EVC2: variants seen among roughly 807,000 people sequenced by gnomAD.
EVC2 encodes EvC ciliary complex subunit 2.
A neutral mutation model predicts 149.3 loss-of-function variants in EVC2; 148 were observed. The ratio of observed to expected loss-of-function variants is 0.99; its 90% CI spans 0.87 to 1.14. EVC2 has a LOEUF of 1.14. Ranked by LOEUF, EVC2 falls within the 50% of genes most tolerant of loss-of-function variation. The probability of loss-of-function intolerance (pLI) is 0.00; values close to 1 mark genes in which losing one functional copy is unlikely to be tolerated. For synonymous variants in EVC2, 776 were observed against 649.9 expected (o/e 1.19, Z -2.95); for missense variants, 1,854 against 1,627.3 (o/e 1.14, Z -2.40).
At chr4:5,617,942 G>A (rs142509626) in intron 15 of EVC2, among the ~76,000 whole-genome samples, 3 of 152,232 alleles carry the variant, frequency 2.0e-5, no homozygotes, top group African/African-American at 7.2e-5. Flanking sequence ...TGGGGGCTTT[G>A]GAGCAAAAAC....
At chr4:5,699,776 T>C (rs1191201047) in intron 1 of EVC2, among the ~76,000 whole-genome samples, 2 of 151,534 alleles carry the variant, frequency 1.3e-5, no homozygotes, top group Non-Finnish European at 2.9e-5. Flanking sequence ...TGAGCTATGA[T>C]CATGCCACTG....
chr4:5,704,453 G>C (rs1275777123), intron 1 of EVC2, among the ~76,000 whole-genome samples: 4 of 152,130 alleles, frequency 2.6e-5, no homozygotes, highest in African/African-American at 4.8e-5. Flanking sequence ...ATGAGTTGTG[G>C]AGTGCCTGTG....
chr4:5,662,398 AAAAAT>A (rs1404907583), intron 9 of EVC2, among the ~76,000 whole-genome samples: 7 of 144,292 alleles, frequency 4.9e-5, no homozygotes, highest in African/African-American at 1.5e-4. Context: ...CTTAAAAGTT[AAAAAT>A]AAATAAAAAA....
intron 16 of EVC2, among the ~76,000 whole-genome samples, chr4:5,604,735 A>T (rs1487084269): frequency 2.6e-5 from 4 of 152,156 alleles, no homozygotes; most frequent in Non-Finnish European, 5.9e-5. Flanking sequence ...AAATACATGG[A>T]GTGATAGATA....
At position 5,694,368 on chromosome 4, in the gene EVC2, T is replaced by C. The variant is rs2151736587; in HGVS notation, c.417A>G (p.Leu139=). The change falls in exon 3 of 22, where the codon TTA becomes TTG. Residue 139 remains leucine (L), a synonymous_variant. Coordinates refer to ENST00000344408, the MANE Select transcript of EVC2 (RefSeq NM_147127.5). The stretch of plus-strand genomic sequence containing the variant: ...GTGTTATAGGAGACTCTCTTTTAAA[T>C]AAGTTCTTCTTAGGCCAGGAGGGTA... ...AFIPSWPKKN[L]FKRESPITHR... 2 of 1,614,174 alleles carry C rather than the reference T, an allele frequency of 1.2e-6. No individual in the cohort carries two copies. Among genetic ancestry groups the C allele is most frequent in the East Asian group, 4.5e-5 (2 of 44,884 alleles).
chr4:5,591,506 C>G (rs552109627), intron 16 of EVC2, among the ~76,000 whole-genome samples: 43 of 152,306 alleles, frequency 2.8e-4, no homozygotes, highest in Non-Finnish European at 4.7e-4. Context: ...AAGACCCAGA[C>G]CCCTGCAGAG....
chr4:5,581,602 C>T (rs1577114410), intron 17 of EVC2, among the ~76,000 whole-genome samples: 1 of 151,724 alleles, frequency 6.6e-6, no homozygotes, highest in African/African-American at 2.4e-5. Context: ...CTGGCTGCTT[C>T]TAACAACCTA....
chr4:5,663,379 AC>A, intron 8 of EVC2, 133 bp from the exon 9 acceptor site: 1 of 1,228,916 alleles, frequency 8.1e-7, no homozygotes, highest in Non-Finnish European at 1.2e-6. Context: ...ACCACAGTAA[AC>A]CCAGACAAGC....
chr4:5,695,346 T>A (rs1006000827), intron 2 of EVC2, among the ~76,000 whole-genome samples: 1 of 139,374 alleles, frequency 7.2e-6, no homozygotes, highest in African/African-American at 2.7e-5. Context: ...AGACTCCATC[T>A]CAAAAAAAAA....
In EVC2 at chr4:5,618,439, C is replaced by A; in HGVS notation, c.2706+39G>T. 6.2e-7 allele frequency: 1 copy of A among 1,611,046 alleles called. No homozygotes were observed. The highest frequency in any genetic ancestry group is 8.5e-7 in the Non-Finnish European group (1 of 1,179,118). ...TGTAGGGCCAGCAGCTGGGAGACGGCCCTGCTTCTGTAATCGGCCACTGAC... is the reference window on the plus strand; with the variant it reads ...TGTAGGGCCAGCAGCTGGGAGACGGACCTGCTTCTGTAATCGGCCACTGAC... On this transcript the variant is annotated intron_variant, in intron 15 of 21. Coordinates refer to ENST00000344408, the MANE Select transcript of EVC2 (RefSeq NM_147127.5). This position sits in a 1 kb window ranked among gnomAD's most constrained non-coding sequence, Gnocchi z 4.4.
At chr4:5,562,006 C>T (rs1244398138), downstream of EVC2, among the ~76,000 whole-genome samples, 5 of 152,206 alleles carry the variant, frequency 3.3e-5, no homozygotes, top group East Asian at 9.7e-4. The surrounding 1 kb of genome is among the most constrained non-coding windows in gnomAD (Gnocchi z 4.3). Context: ...ATATTACTGG[C>T]CTCAGGCACT....
intron 17 of EVC2, among the ~76,000 whole-genome samples, chr4:5,583,361 T>C (rs769380551): frequency 1.3e-5 from 2 of 152,250 alleles, no homozygotes; most frequent in Non-Finnish European, 2.9e-5. Flanking sequence ...TTATCTAGCA[T>C]GATAAAATGA....
intron 9 of EVC2, 53 bp downstream of exon 9, chr4:5,663,054 C>T (rs1001024418): frequency 1.2e-5 from 20 of 1,609,786 alleles, no homozygotes; most frequent in East Asian, 4.5e-5. Flanking sequence ...ATGTCACTGT[C>T]GTTAAAACAT....
chr4:5,601,493 A>C (rs572502170), intron 16 of EVC2, among the ~76,000 whole-genome samples: 29 of 150,326 alleles, frequency 1.9e-4, no homozygotes, highest in African/African-American at 6.8e-4. Flanking sequence ...CAGCAAGTGA[A>C]GCAAAAAGAC....
At chr4:5,583,054 T>C (rs1236149111) in intron 17 of EVC2, among the ~76,000 whole-genome samples, 7 of 152,202 alleles carry the variant, frequency 4.6e-5, no homozygotes, top group Non-Finnish European at 1.0e-4. Context: ...TCTCAGGGTA[T>C]TTCTTATAGC....
chr4:5,685,810 G>A (rs1186976186), intron 5 of EVC2, among the ~76,000 whole-genome samples: 1 of 152,190 alleles, frequency 6.6e-6, no homozygotes, highest in Admixed American at 6.5e-5. Flanking sequence ...CATCCCATAG[G>A]TAAGTTTGGG....
intron 17 of EVC2, among the ~76,000 whole-genome samples, chr4:5,581,731 AG>A (rs2108784798): frequency 6.6e-6 from 1 of 152,310 alleles, no homozygotes; most frequent in South Asian, 2.1e-4. Flanking sequence ...GGGAAACAGA[AG>A]GGTTTTCAGA....
At chr4:5,695,604 G>C (rs7660097) in intron 2 of EVC2, among the ~76,000 whole-genome samples, 5,263 of 152,252 alleles carry the variant, frequency 0.035, 261 homozygotes, top group African/African-American at 0.12. Context: ...ATACCAATCA[G>C]ACAGGGCTGT....
Position 5,628,550 on chromosome 4 carries a change from G to A in EVC2, c.1886+9C>T, listed in dbSNP as rs1482886497. ...CAGTTCGCACTGTTGGGACAGTGTT[G>A]AGTGGTACCTCTCGTGCTTCTGAAT... On this transcript the variant is annotated intron_variant, in intron 12 of 21. Transcript: ENST00000344408. The A allele has an allele frequency of 1.2e-6, 2 of 1,614,072 alleles. No individual in the cohort carries two copies. Among genetic ancestry groups the A allele is most frequent in the Middle Eastern group, 1.7e-4 (1 of 6,020 alleles).
Sources: gnomAD v4.1 joint callset for allele counts (sites outside exome capture counted in the v4.1 genomes callset) on GRCh38, gnomAD v4.1.1 for gene constraint, Gnocchi (gnomAD v3.1) non-coding constraint, MANE v1.5 for transcripts, NCBI Gene and HGNC (gene_info 2026-07-23, HGNC 2026-07-21) for gene names.